MINDY1: variants seen among roughly 807,000 people sequenced by gnomAD.
The protein encoded by MINDY1 is ubiquitin carboxyl-terminal hydrolase MINDY-1.
In MINDY1, 50 loss-of-function variants were observed where a neutral mutation model predicts 53.6. The observed-to-expected ratio is 0.93, with a 90% CI of 0.74 to 1.18. The LOEUF is 1.18. MINDY1 is among the 50% of genes most tolerant of loss of function. MINDY1 has a pLI of 0.00. For missense variants in MINDY1, 484 were observed against 578.6 expected (o/e 0.84, Z 1.68); for synonymous variants, 231 against 234.7 (o/e 0.98, Z 0.14).
Position 151,006,849 on chromosome 1 carries a change from C to T in MINDY1, c.-627G>A, listed in dbSNP as rs587605664. On this transcript the variant is annotated 5_prime_UTR_variant, in exon 1 of 10. Transcript: ENST00000683666. ...GAAACAGGAGAGAAAAACAACAGAC[C>T]CTTTCTCTTCCCTCTGCCTGCCTCT... The T allele has an allele frequency of 1.3e-5, 13 of 985,380 alleles. No individual in the cohort carries two copies. In the East Asian group the frequency reaches 4.5e-4, roughly 34 times the overall value. 61.0% of individuals were successfully genotyped at this position (985,380 alleles called of 1,614,324 possible). A position where few individuals can be genotyped will look rare whatever the true frequency, so the allele number is the denominator to read the frequency against.
chr1:150,998,763 G>A (rs1324991925), intron 7 of MINDY1, among the ~76,000 whole-genome samples: 5 of 151,536 alleles, frequency 3.3e-5, no homozygotes, highest in African/African-American at 7.3e-5. Flanking sequence ...CTGGCTAAGC[G>A]TGGCATGGAG....
chr1:151,003,260 G>A (rs1460982490), intron 1 of MINDY1, among the ~76,000 whole-genome samples: 3 of 152,100 alleles, frequency 2.0e-5, no homozygotes, highest in African/African-American at 7.2e-5. Flanking sequence ...AGGATAAAAA[G>A]ATTAAGTCAC....
Position 150,999,593 on chromosome 1 carries a change from CA to C in MINDY1, c.839-83del, listed in dbSNP as rs1455947164. ...GAAGGACCATCCAGAGAGCCCCTGT[CA>C]AAAGCCCCGGGGGGTCAGTCCCACC... On this transcript the variant is annotated intron_variant, in intron 6 of 9. Coordinates refer to ENST00000683666, the MANE Select transcript of MINDY1 (RefSeq NM_001376665.1). This position sits in a 1 kb window ranked among gnomAD's most constrained non-coding sequence, Gnocchi z 4.4. 17 of 1,569,480 alleles carry C rather than the reference CA, an allele frequency of 1.1e-5. No individual in the cohort carries two copies. The East Asian group carries it at 3.4e-4, about 31-fold the overall frequency.
chr1:151,000,259 T>G (rs766508980), intron 5 of MINDY1, among the ~76,000 whole-genome samples, 198 bp downstream of exon 5: 1 of 152,160 alleles, frequency 6.6e-6, no homozygotes, highest in Non-Finnish European at 1.5e-5. Flanking sequence ...CCTATTTGCA[T>G]GTAGTTTGCT....
chr1:150,998,327 C>A, intron 7 of MINDY1, 54 bp from the exon 8 acceptor site: 1 of 1,508,022 alleles, frequency 6.6e-7, no homozygotes, highest in Non-Finnish European at 9.0e-7. Context: ...GGAGGCAGTT[C>A]ACTGCCAGAA....
rs368106259 is a variant in MINDY1, at chr1:150,998,317, G to A, written c.982-44C>T. On this transcript the variant is annotated intron_variant, in intron 7 of 9. Transcript: ENST00000683666. The stretch of plus-strand genomic sequence containing the variant: ...AGCTCATTGGGGGGACAGTTGATAC[G>A]GAGGCAGTTCACTGCCAGAAATCTC... 37 of 1,547,728 alleles carry A rather than the reference G, an allele frequency of 2.4e-5. No individual in the cohort carries two copies. In the East Asian group the frequency reaches 4.5e-4, roughly 19 times the overall value.
In MINDY1 at chr1:150,999,159, C is replaced by A. The variant is rs1672232723; in HGVS notation, c.981+210G>T. ...AAAGGATCTTTTGTCAGCTGGGTCC[C>A]AGAGTGAAGATGGTGTGGGACAGAA... On this transcript the variant is annotated intron_variant, in intron 7 of 9. Coordinates refer to ENST00000683666, the MANE Select transcript of MINDY1 (RefSeq NM_001376665.1). This position sits in a 1 kb window ranked among gnomAD's most constrained non-coding sequence, Gnocchi z 4.4. 6.6e-6 allele frequency among the ~76,000 whole-genome samples: 1 copy of A among 152,040 alleles called. No individual in the cohort carries two copies. Among genetic ancestry groups the A allele is most frequent in the African/African-American group, 2.4e-5 (1 of 41,384 alleles).
chr1:150,999,454 A>C lies in MINDY1; in HGVS notation c.896T>G (p.Leu299Arg). ...TTAAQLTYHG[L>R]CELTAAAKEG... ...CTTAGCAGCTGCTGTCAGCTCACAC[A>C]GTCCGTGGTAGGTCAGCTGGGCCGC... Residue 299 changes from leucine (L) to arginine (R), a missense_variant, in exon 7 of 10, where the codon CTG becomes CGG. Transcript: ENST00000683666. The surrounding 1 kb of genome is among the most constrained non-coding windows in gnomAD (Gnocchi z 4.4). 1 of 1,614,196 alleles carries C rather than the reference A, an allele frequency of 6.2e-7. No homozygotes were observed. Among genetic ancestry groups the C allele is most frequent in the South Asian group, 1.1e-5 (1 of 91,086 alleles).
rs1048111120 is a variant in MINDY1 at position 151,001,447 on chromosome 1, C to T, written c.512-133G>A. ...GCTGGAAAATACTTAGAGTCTAATC[C>T]AGACTCTTCATTTCTCAGAGGAGGC... On this transcript the variant is annotated intron_variant, in intron 3 of 9. Coordinates refer to ENST00000683666, the MANE Select transcript of MINDY1 (RefSeq NM_001376665.1). The T allele has an allele frequency of 6.0e-5, 64 of 1,067,026 alleles. No individual in the cohort carries two copies. In the South Asian group the frequency reaches 8.0e-4, roughly 13 times the overall value. 66.1% of individuals were successfully genotyped at this position (1,067,026 alleles called of 1,614,324 possible).
intron 1 of MINDY1, among the ~76,000 whole-genome samples, chr1:151,005,322 G>A (rs1673058302): frequency 6.6e-6 from 1 of 151,772 alleles, no homozygotes; most frequent in Admixed American, 6.6e-5. Flanking sequence ...CACGGTGGCG[G>A]GCACCTGTAA....
chr1:151,002,456 G>T lies in MINDY1; in HGVS notation c.162C>A (p.Asp54Glu). 2.5e-6 allele frequency: 4 copies of T among 1,614,154 alleles called. No individual in the cohort carries two copies. Among genetic ancestry groups the T allele is most frequent in the Non-Finnish European group, 3.4e-6 (4 of 1,180,038 alleles). ...CACACTGGCTAGGCAGCAAAGCTTG[G>T]TCTGCTGGCTCCCGTTCTCTAGCCT... is the stretch of plus-strand genomic sequence containing the variant. ...DGEAREREPA[D>E]QALLPSQCGD... The change falls in exon 2 of 10, where the codon GAC becomes GAA. Residue 54 changes from aspartate to glutamate, a missense_variant. By Grantham distance (45) the Asp-to-Glu change is conservative. Coordinates refer to ENST00000683666, the MANE Select transcript of MINDY1 (RefSeq NM_001376665.1). The surrounding 1 kb of genome is among the most constrained non-coding windows in gnomAD (Gnocchi z 4.1).
chr1:151,008,331 T>C (rs1673444945), upstream of MINDY1: 5 of 1,321,150 alleles, frequency 3.8e-6, no homozygotes, highest in Non-Finnish European at 4.9e-6. Flanking sequence ...CGGGACTACG[T>C]TTCCCACGTC....
chr1:150,997,958 C>T (rs1274242773), intron 8 of MINDY1, 124 bp downstream of exon 8: 32 of 1,198,626 alleles, frequency 2.7e-5, no homozygotes, highest in Non-Finnish European at 2.9e-5. Context: ...AGTGAGGAGA[C>T]GGTCTGAGGT....
chr1:151,003,110 T>G, intron 1 of MINDY1: 1 of 383,280 alleles, frequency 2.6e-6, no homozygotes, highest in Non-Finnish European at 3.7e-6. Flanking sequence ...CTTACTCTAA[T>G]AGGCATCACA....
intron 7 of MINDY1, 142 bp from the exon 8 acceptor site, chr1:150,998,415 C>T: frequency 4.0e-6 from 3 of 747,748 alleles, no homozygotes; most frequent in South Asian, 3.7e-5. Flanking sequence ...AGTGCAGTGG[C>T]ACAATCTCTG....
At chr1:151,004,013 C>T in intron 1 of MINDY1, among the ~76,000 whole-genome samples, 1 of 151,050 alleles carries the variant, frequency 6.6e-6, no homozygotes, top group East Asian at 1.9e-4. Flanking sequence ...ACCTCTGCCT[C>T]CTGGGTTCAA....
Position 151,006,513 on chromosome 1 carries a change from TG to T in MINDY1, c.-292del, listed in dbSNP as rs375643777. 688 of 1,021,106 alleles carry T rather than the reference TG, an allele frequency of 6.7e-4. 5 individuals are homozygous for T. The African/African-American group carries it at 0.011, about 16-fold the overall frequency. 63.3% of individuals were successfully genotyped at this position (1,021,106 alleles called of 1,614,324 possible). ...CCACTTCCGGACTCACGCCCAGTAC[TG>T]GGGGCACTGGAGGAGGGTGAAGGCA... On this transcript the variant is annotated 5_prime_UTR_variant, in exon 1 of 10. Coordinates refer to ENST00000683666, the MANE Select transcript of MINDY1 (RefSeq NM_001376665.1).
Position 150,997,261 on chromosome 1 carries a change from C to CAG in MINDY1, c.*24_*25dup. ...TAGCCATAGCCTCTGGAAGAAGGGG[C>CAG]AGGCCAGCCTGGCACTGGGGCAGAG... On this transcript the variant is annotated 3_prime_UTR_variant, in exon 10 of 10. Coordinates refer to ENST00000683666, the MANE Select transcript of MINDY1 (RefSeq NM_001376665.1). The CAG allele has an allele frequency of 6.4e-7, 1 of 1,566,892 alleles. No individual in the cohort carries two copies. Among genetic ancestry groups the CAG allele is most frequent in the Non-Finnish European group, 8.7e-7 (1 of 1,154,032 alleles).
chr1:151,001,536 T>C (rs1195197582), intron 3 of MINDY1, among the ~76,000 whole-genome samples, 189 bp downstream of exon 3: 2 of 152,122 alleles, frequency 1.3e-5, no homozygotes, highest in East Asian at 1.9e-4. Flanking sequence ...GCAGAATTGG[T>C]GTTACAACCC....
Sources: allele counts gnomAD v4.1 joint callset (sites outside exome capture counted in the v4.1 genomes callset), GRCh38; gene constraint gnomAD v4.1.1; non-coding constraint Gnocchi (gnomAD v3.1); transcripts MANE v1.5; gene names NCBI Gene and HGNC (gene_info 2026-07-23, HGNC 2026-07-21).